OSBPL7: variants seen among roughly 807,000 people sequenced by gnomAD.
OSBPL7 encodes oxysterol-binding protein-related protein 7.
In OSBPL7, 66 loss-of-function variants were observed where a neutral mutation model predicts 115.8. The ratio of observed to expected loss-of-function variants is 0.57; its 90% confidence interval spans 0.47 to 0.70. OSBPL7 has a LOEUF of 0.70. OSBPL7 is among the 30% of genes least tolerant of loss of function. OSBPL7 has a pLI of 0.00. For missense variants in OSBPL7, 902 were observed against 1,125.5 expected (o/e 0.80, Z 2.84); for synonymous variants, 441 against 439.2 (o/e 1.00, Z -0.05).
intron 1 of OSBPL7, 78 bp from the exon 2 acceptor site, chr17:47,820,443 G>A (rs2033365006): frequency 6.2e-6 from 4 of 640,900 alleles, no homozygotes; most frequent in African/African-American, 1.8e-5. Context: ...CACACCCTCT[G>A]AGATAAGGGC....
At position 47,817,337 on chromosome 17, in the gene OSBPL7, C is replaced by A; in HGVS notation, c.621G>T (p.Lys207Asn). 6.9e-6 allele frequency: 11 copies of A among 1,603,468 alleles called. No homozygotes were observed. Among genetic ancestry groups the A allele is most frequent in the Non-Finnish European group, 8.5e-6 (10 of 1,177,300 alleles). Residue 207 changes from lysine to asparagine, a missense_variant, in exon 8 of 23, where the codon AAG becomes AAT. Physicochemically the swap from Lys to Asn is moderately conservative, Grantham distance 94 (BLOSUM62 0). Coordinates refer to ENST00000007414, the MANE Select transcript of OSBPL7 (RefSeq NM_145798.3). ...CSHELSECQG[K>N]LQELHRLLQS... Reference sequence around the variant, plus strand: ...GGAGGAGCCTGTGTAGTTCCTGGAGCTTCCCCTGACACTCAGAGAGCTCTG... The same window carrying A: ...GGAGGAGCCTGTGTAGTTCCTGGAGATTCCCCTGACACTCAGAGAGCTCTG...
At position 47,810,585 on chromosome 17, in the gene OSBPL7, G is replaced by T. The variant is rs2074189; in HGVS notation, c.1880+9C>A. On this transcript the variant is annotated intron_variant, in intron 18 of 22. Transcript: ENST00000007414. ...CTTGGCCTGGCTGCTGAGAGTCTAA[G>T]AATCCCACCTGGGCAGGCTGACGTT... is the stretch of plus-strand genomic sequence containing the variant. 772,309 of 1,610,546 alleles carry T rather than the reference G, an allele frequency of 0.48. 187,417 individuals are homozygous for T. The highest frequency in any genetic ancestry group is 0.5 in the Non-Finnish European group (588,344 of 1,177,086).
At chr17:47,818,883 G>T in intron 5 of OSBPL7, 103 bp downstream of exon 5, 1 of 1,070,274 alleles carries the variant, frequency 9.3e-7, no homozygotes, top group Non-Finnish European at 1.4e-6. Flanking sequence ...CAAACTCAGA[G>T]ACAGACCCTG....
Position 47,816,378 on chromosome 17 carries a change from C to A in OSBPL7, c.1023+10G>T, listed in dbSNP as rs1419354733. On this transcript the variant is annotated intron_variant, in intron 11 of 22. Coordinates refer to ENST00000007414, the MANE Select transcript of OSBPL7 (RefSeq NM_145798.3). This position sits in a 1 kb window ranked among gnomAD's most constrained non-coding sequence, Gnocchi z 5.8. Reference sequence around the variant, plus strand: ...TCCCCGCACCAGTCACCCTGTCCCCCAGGCCTCACCCCCATTCTTGACAAC... The same window carrying A: ...TCCCCGCACCAGTCACCCTGTCCCCAAGGCCTCACCCCCATTCTTGACAAC... 1.3e-6 allele frequency: 2 copies of A among 1,496,404 alleles called. No homozygotes were observed. The highest frequency in any genetic ancestry group is 2.5e-5 in the East Asian group (1 of 40,620). The allele number at this position is 1,496,404 out of a possible 1,614,324, so 92.7% of individuals were successfully genotyped here.
At chr17:47,820,564 C>T (rs1180914762) in intron 1 of OSBPL7, 199 bp from the exon 2 acceptor site, 1 of 383,752 alleles carries the variant, frequency 2.6e-6, no homozygotes, top group African/African-American at 2.1e-5. Context: ...TGAACTAGCA[C>T]ACAGCAGACG....
Position 47,808,164 on chromosome 17 carries a change from G to A in OSBPL7, c.*127C>T. The A allele has an allele frequency of 1.4e-6, 1 of 692,798 alleles. No individual in the cohort carries two copies. Among genetic ancestry groups the A allele is most frequent in the Admixed American group, 2.6e-5 (1 of 38,224 alleles). 42.9% of individuals were successfully genotyped at this position (692,798 alleles called of 1,614,324 possible). On this transcript the variant is annotated 3_prime_UTR_variant, in exon 23 of 23. Transcript: ENST00000007414. The surrounding 1 kb of genome is among the most constrained non-coding windows in gnomAD (Gnocchi z 6.1). ...CCCTCTGGCCAGCAGAGGGGAGGGAGGGCCAGGGCTGCCCCTTTGGTCTCA... is the reference window on the plus strand; with the variant it reads ...CCCTCTGGCCAGCAGAGGGGAGGGAAGGCCAGGGCTGCCCCTTTGGTCTCA...
At chr17:47,819,682 C>A (rs757315416) in intron 4 of OSBPL7, 47 bp downstream of exon 4, 2 of 1,611,154 alleles carry the variant, frequency 1.2e-6, no homozygotes, top group South Asian at 2.2e-5. Context: ...CCAGGGCATA[C>A]TGGGGCCAGA....
chr17:47,810,104 G>A (rs2032993966), intron 18 of OSBPL7, among the ~76,000 whole-genome samples: 2 of 151,984 alleles, frequency 1.3e-5, no homozygotes, highest in African/African-American at 4.8e-5. Context: ...AGAACTCATG[G>A]CTTCTGACTC....
intron 16 of OSBPL7, among the ~76,000 whole-genome samples, chr17:47,812,209 C>T (rs187099144): frequency 6.6e-6 from 1 of 152,348 alleles, no homozygotes; most frequent in East Asian, 1.9e-4. Flanking sequence ...CTGTCCCCAT[C>T]CTGTCTCGGG....
At position 47,808,890 on chromosome 17, in the gene OSBPL7, G is replaced by A. The variant is rs367556587; in HGVS notation, c.2271C>T (p.Thr757=). The A allele has an allele frequency of 6.7e-5, 108 of 1,614,116 alleles. No homozygotes were observed. The highest frequency in any genetic ancestry group is 4.0e-4 in the Admixed American group (24 of 60,008). The change falls in exon 21 of 23, where the codon ACC becomes ACT. Residue 757 remains threonine, a synonymous_variant. Coordinates refer to ENST00000007414, the MANE Select transcript of OSBPL7 (RefSeq NM_145798.3). This position sits in a 1 kb window ranked among gnomAD's most constrained non-coding sequence, Gnocchi z 6.1. Reference sequence around the variant, plus strand: ...TCTGGTCTGGCCGGAGTCTCGTGTCGGTGGAAGGCAGCGACCGTTTCAGCT... The same window carrying A: ...TCTGGTCTGGCCGGAGTCTCGTGTCAGTGGAAGGCAGCGACCGTTTCAGCT... ...TAELKRSLPS[T]DTRLRPDQRY... is the part of the protein sequence containing the mutation.
rs776351021 is a variant in OSBPL7, at chr17:47,818,989, G to A, written c.366C>T (p.Leu122=). The A allele has an allele frequency of 1.2e-6, 2 of 1,613,670 alleles. No individual in the cohort carries two copies. Among genetic ancestry groups the A allele is most frequent in the Admixed American group, 3.3e-5 (2 of 60,020 alleles). Residue 122 remains leucine (L), a synonymous_variant, in exon 5 of 23, where the codon CTC becomes CTT. Transcript: ENST00000007414. ...TCCTGCCTCCCAGGGATGTCACCTT[G>A]AGGTGGTAGATGTTGTCTTCAGTGT... ...DLDTEDNIYH[L]KIKSQDLFQS... is the part of the protein sequence containing the mutation.
chr17:47,821,027 G>T (rs1023277260), intron 1 of OSBPL7, among the ~76,000 whole-genome samples: 2 of 152,036 alleles, frequency 1.3e-5, no homozygotes, highest in Non-Finnish European at 2.9e-5. Context: ...CAGTCCTTGG[G>T]GCTCTGAGAA....
Position 47,820,371 on chromosome 17 carries a change from A to T in OSBPL7, c.-87-6T>A. ...CACCTGCTCCTGACGGGGTCCTTGA[A>T]GCAAGAGAAAGACCCCCTTAACGCA... On this transcript the variant is annotated splice_polypyrimidine_tract_variant and splice_region_variant and intron_variant, in intron 1 of 22. Coordinates refer to ENST00000007414, the MANE Select transcript of OSBPL7 (RefSeq NM_145798.3). 8.1e-7 allele frequency: 1 copy of T among 1,240,658 alleles called. No individual in the cohort carries two copies. The highest frequency in any genetic ancestry group is 1.1e-6 in the Non-Finnish European group (1 of 896,016). 76.9% of individuals were successfully genotyped at this position (1,240,658 alleles called of 1,614,324 possible).
chr17:47,819,912 G>GT, intron 3 of OSBPL7, 59 bp downstream of exon 3: 1 of 1,485,450 alleles, frequency 6.7e-7, no homozygotes, highest in Non-Finnish European at 9.3e-7. Flanking sequence ...CCCAGCAGCT[G>GT]CCCCCCATTC....
rs201588613 is a variant in OSBPL7 at position 47,815,184 on chromosome 17, C to G, written c.1257+31G>C. 4.5e-4 allele frequency: 722 copies of G among 1,598,900 alleles called. 3 individuals are homozygous for G. The African/African-American group carries it at 8.9e-3, about 20-fold the overall frequency. ...TCTGTTCCCAAGGTCCCCCCTACCCCGCCTCACTGCCAGCTTCTCTCCTCC... is the reference window on the plus strand; with the variant it reads ...TCTGTTCCCAAGGTCCCCCCTACCCGGCCTCACTGCCAGCTTCTCTCCTCC... On this transcript the variant is annotated intron_variant, in intron 13 of 22. Transcript: ENST00000007414.
At chr17:47,818,226 C>G (rs748738138) in intron 7 of OSBPL7, 43 bp downstream of exon 7, 1 of 1,556,492 alleles carries the variant, frequency 6.4e-7, no homozygotes. Flanking sequence ...GACCTGCCAG[C>G]TTGGGGCCTA....
rs1438713870 is a variant in OSBPL7 at position 47,809,357 on chromosome 17, G to A, written c.2002C>T (p.His668Tyr). ...LIRNTQDSSC[H>Y]CKITFCKAKY... ...ACCTTGCAGAAGGTGATCTTGCAGT[G>A]GCAGGAGCTGTCCTGTGTGTTTCGG... is the stretch of plus-strand genomic sequence containing the variant. Residue 668 changes from histidine to tyrosine, a missense_variant, in exon 19 of 23, where the codon CAC (histidine) becomes TAC (tyrosine). Physicochemically the swap from His to Tyr is moderately conservative, Grantham distance 83. This residue lies in a region of OSBPL7 where 230 missense variants were observed against 312.7 expected (regional missense o/e 0.74). Coordinates refer to ENST00000007414, the MANE Select transcript of OSBPL7 (RefSeq NM_145798.3). The A allele has an allele frequency of 2.5e-6, 4 of 1,614,016 alleles. No individual in the cohort carries two copies. Among genetic ancestry groups the A allele is most frequent in the Non-Finnish European group, 3.4e-6 (4 of 1,179,978 alleles).
In OSBPL7 at chr17:47,816,274, G is replaced by C; in HGVS notation, c.1024-72C>G. 1 of 1,501,120 alleles carries C rather than the reference G, an allele frequency of 6.7e-7. No homozygotes were observed. 93.0% of individuals were successfully genotyped at this position (1,501,120 alleles called of 1,614,324 possible). A position where few individuals can be genotyped will look rare whatever the true frequency, so the allele number is the denominator to read the frequency against. On this transcript the variant is annotated intron_variant, in intron 11 of 22. Transcript: ENST00000007414. The surrounding 1 kb of genome is among the most constrained non-coding windows in gnomAD (Gnocchi z 5.8). Reference sequence around the variant, plus strand: ...CCCCACCTTGCCGCATCTCTGCAGAGACTGCCTCTGCCAACCCCCCACCCT... The same window carrying C: ...CCCCACCTTGCCGCATCTCTGCAGACACTGCCTCTGCCAACCCCCCACCCT...
At chr17:47,817,462 T>C (rs1308578256) in intron 7 of OSBPL7, 103 bp from the exon 8 acceptor site, 2 of 738,532 alleles carry the variant, frequency 2.7e-6, no homozygotes, top group Non-Finnish European at 4.4e-6. Context: ...TGATCTCGGC[T>C]CACTGCAACC....
Sources: allele counts gnomAD v4.1 joint callset (sites outside exome capture counted in the v4.1 genomes callset), GRCh38; gene constraint gnomAD v4.1.1; regional missense constraint gnomAD v4.1.1; non-coding constraint Gnocchi (gnomAD v3.1); transcripts MANE v1.5; gene names NCBI Gene and HGNC (gene_info 2026-07-23, HGNC 2026-07-21).